The following KIAA1549L variants were observed in gnomAD, a reference collection of about 807,000 sequenced individuals.
KIAA1549L encodes UPF0606 protein KIAA1549L.
KIAA1549L carries 88 observed loss-of-function variants against 160.7 expected under a neutral mutation model. The observed-to-expected ratio is 0.55, with a 90% CI of 0.46 to 0.65. The LOEUF (loss-of-function observed/expected upper bound fraction) is 0.65, where lower values mean the gene tolerates loss of function less well. Among genes scored for constraint, KIAA1549L ranks in the 30% least tolerant of loss-of-function variants. KIAA1549L has a pLI of 0.00. For synonymous variants in KIAA1549L, 950 were observed against 976.7 expected (o/e 0.97, Z 0.51); for missense variants, 2,258 against 2,437.5 (o/e 0.93, Z 1.55).
chr11:33,645,641 G>T, intron 16 of KIAA1549L, 45 bp from the exon 17 acceptor site: 1 of 1,415,106 alleles, frequency 7.1e-7, no homozygotes, highest in Non-Finnish European at 9.9e-7. Flanking sequence ...GCACCTTCAC[G>T]GGAAGGAAAG....
In KIAA1549L at chr11:33,544,237, G is replaced by T. The variant is rs778446533; in HGVS notation, c.2674G>T (p.Gly892Ter). ...NASTPFQNIL[G>*]YHSAAESSIS... ...TTCCACACCATTCCAGAACATCTTG[G>T]GATATCACTCTGCTGCTGAATCTTC... The change falls in exon 2 of 21, where the codon GGA becomes TGA. Residue 892 changes from glycine (G) to a stop codon, truncating the protein, a stop_gained. Coordinates refer to ENST00000658780, the MANE Select transcript of KIAA1549L (RefSeq NM_012194.3). LOFTEE classifies it high-confidence loss of function. The T allele has an allele frequency of 1.9e-6, 3 of 1,613,924 alleles. No homozygotes were observed.
chr11:33,539,326 A>G (rs1853962874), intron 1 of KIAA1549L, among the ~76,000 whole-genome samples: 1 of 152,218 alleles, frequency 6.6e-6, no homozygotes, highest in Non-Finnish European at 1.5e-5. Flanking sequence ...TTTCTTGACT[A>G]TGAGAGTTTT....
chr11:33,413,158 C>A (rs118130767), intron 1 of KIAA1549L, among the ~76,000 whole-genome samples: 1 of 152,052 alleles, frequency 6.6e-6, no homozygotes, highest in African/African-American at 2.4e-5. Context: ...CTGAGATAAA[C>A]CATTCACCCT....
Position 33,408,090 on chromosome 11 carries a change from C to G in KIAA1549L, c.238+31201C>G, listed in dbSNP as rs534853845. 7.8e-4 allele frequency among the ~76,000 whole-genome samples: 118 copies of G among 152,196 alleles called. 1 individual carries two copies. Among genetic ancestry groups the G allele is most frequent in the Non-Finnish European group, 1.3e-3 (87 of 68,008 alleles). ...AATTTTACCTTGTTGTTTAATTATC[C>G]GCTTTCTGGAGGAAAAAACCTCAAT... On this transcript the variant is annotated intron_variant, in intron 1 of 20. Transcript: ENST00000658780.
At chr11:33,405,741 C>T (rs1392365820) in intron 1 of KIAA1549L, among the ~76,000 whole-genome samples, 2 of 145,782 alleles carry the variant, frequency 1.4e-5, no homozygotes, top group Admixed American at 7.2e-5. Context: ...ACTCAATAGG[C>T]TGATGCAGGA....
chr11:33,430,414 A>G (rs72921222), intron 1 of KIAA1549L, among the ~76,000 whole-genome samples: 26,094 of 152,094 alleles, frequency 0.17, 2,779 homozygotes, highest in African/African-American at 0.3. Context: ...GACTAATAAA[A>G]CATTTCAACA....
intron 1 of KIAA1549L, among the ~76,000 whole-genome samples, chr11:33,492,710 G>A (rs1852710027): frequency 6.6e-6 from 1 of 152,070 alleles, no homozygotes; most frequent in Admixed American, 6.6e-5. Flanking sequence ...TGCTTCTTTA[G>A]CGAGATTAGA....
intron 13 of KIAA1549L, among the ~76,000 whole-genome samples, chr11:33,605,150 T>TTTTTG (rs71457310): frequency 0.027 from 4,071 of 149,902 alleles, 102 homozygotes; most frequent in Non-Finnish European, 0.031. Flanking sequence ...AAGTCATGAG[T>TTTTTG]TTTTGTTTTG....
intron 10 of KIAA1549L, among the ~76,000 whole-genome samples, chr11:33,575,229 C>T (rs551667525): frequency 6.6e-6 from 1 of 152,316 alleles, no homozygotes; most frequent in South Asian, 2.1e-4. Context: ...CATGAAGTCG[C>T]TTAGTGCTGG....
intron 13 of KIAA1549L, among the ~76,000 whole-genome samples, chr11:33,605,277 G>A (rs1649280275): frequency 6.6e-6 from 1 of 151,412 alleles, no homozygotes; most frequent in Non-Finnish European, 1.5e-5. Context: ...TTCATCCTGG[G>A]TATGAATATC....
At chr11:33,653,442 T>TCCATGTCTTCTGGGTGCTAACGAG (rs1851953572) in intron 17 of KIAA1549L, among the ~76,000 whole-genome samples, 1 of 152,232 alleles carries the variant, frequency 6.6e-6, no homozygotes, top group East Asian at 1.9e-4. Flanking sequence ...CACTTTGCAT[T>TCCATGTCTTCTGGGTGCTAACGAG]CCATGTCTTC....
Position 33,658,895 on chromosome 11 carries a change from T to G in KIAA1549L, c.6004T>G (p.Ser2002Ala). 6.4e-7 allele frequency: 1 copy of G among 1,551,234 alleles called. No individual in the cohort carries two copies. Residue 2002 changes from serine to alanine, a missense_variant, in exon 19 of 21, where the codon TCA becomes GCA. By Grantham distance (99) the Ser-to-Ala change is moderately conservative (BLOSUM62 1). This residue lies in a region of KIAA1549L where 1,359 missense variants were observed against 1,546.6 expected (regional missense o/e 0.88). Coordinates refer to ENST00000658780, the MANE Select transcript of KIAA1549L (RefSeq NM_012194.3). ...TQLDQSALNY[S>A]GNTVPAVFAI... Reference sequence around the variant, plus strand: ...GTTGGATCAGTCGGCTTTAAATTACTCAGGTGGGCAAGAGAAAAGCCCGAG... The same window carrying G: ...GTTGGATCAGTCGGCTTTAAATTACGCAGGTGGGCAAGAGAAAAGCCCGAG...
At chr11:33,565,733 A>G (rs986443577) in intron 8 of KIAA1549L, among the ~76,000 whole-genome samples, 1 of 130,108 alleles carries the variant, frequency 7.7e-6, no homozygotes, top group African/African-American at 3.0e-5. Flanking sequence ...AAAAATTTTT[A>G]TTGGCTGGGT....
At chr11:33,501,105 G>A (rs928604110) in intron 1 of KIAA1549L, among the ~76,000 whole-genome samples, 4 of 152,170 alleles carry the variant, frequency 2.6e-5, no homozygotes, top group South Asian at 2.1e-4. Context: ...GTCAGGATAA[G>A]GAGTGTTAAC....
intron 1 of KIAA1549L, among the ~76,000 whole-genome samples, chr11:33,392,786 G>A (rs1395876194): frequency 6.6e-6 from 1 of 152,160 alleles, no homozygotes; most frequent in East Asian, 1.9e-4. Flanking sequence ...TGCGTGTCTT[G>A]AACTCCCGGG....
At chr11:33,584,152 C>T (rs1333441542) in intron 11 of KIAA1549L, among the ~76,000 whole-genome samples, 4 of 152,338 alleles carry the variant, frequency 2.6e-5, no homozygotes, top group Middle Eastern at 6.8e-3. Flanking sequence ...CACCTCTGAC[C>T]ATCCTGGCAC....
chr11:33,588,614 A>G (rs893831524), intron 11 of KIAA1549L, among the ~76,000 whole-genome samples: 1 of 152,194 alleles, frequency 6.6e-6, no homozygotes, highest in Admixed American at 6.5e-5. Context: ...TTGGTGACCA[A>G]TTGATTATGG....
At chr11:33,617,474 C>T (rs532192383) in intron 15 of KIAA1549L, among the ~76,000 whole-genome samples, 35 of 152,278 alleles carry the variant, frequency 2.3e-4, no homozygotes, top group African/African-American at 8.4e-4. Flanking sequence ...GAATGTGCCA[C>T]TCCCTGGGCC....
intron 1 of KIAA1549L, among the ~76,000 whole-genome samples, chr11:33,378,982 T>C (rs1476208274): frequency 6.6e-6 from 1 of 152,180 alleles, no homozygotes. Context: ...TTCTGGGGCC[T>C]TTGACTTTCT....
Sources: gnomAD v4.1 joint callset for allele counts (sites outside exome capture counted in the v4.1 genomes callset) on GRCh38, gnomAD v4.1.1 for gene constraint, gnomAD v4.1.1 regional missense constraint, MANE v1.5 for transcripts, NCBI Gene and HGNC (gene_info 2026-07-23, HGNC 2026-07-21) for gene names.